The following NOX4 variants were observed in gnomAD, a reference collection of about 807,000 sequenced individuals.
The protein encoded by NOX4 is NADPH oxidase 4.
Under a neutral mutation model 87.6 loss-of-function variants are expected in NOX4, and 69 were observed. The observed-to-expected ratio is 0.79, with a 90% CI of 0.65 to 0.96. The LOEUF is 0.96. Ranked by LOEUF, NOX4 falls within the 40% of genes least tolerant of loss-of-function variation. NOX4 has a pLI of 0.00. For synonymous variants in NOX4, 275 were observed against 238.2 expected (o/e 1.15, Z -1.42); for missense variants, 680 against 681.5 (o/e 1.00, Z 0.02).
At chr11:89,347,007 T>C (rs546579033) in intron 13 of NOX4, among the ~76,000 whole-genome samples, 13 of 152,304 alleles carry the variant, frequency 8.5e-5, no homozygotes, top group African/African-American at 2.9e-4. Flanking sequence ...CTAGTCAGAA[T>C]ACTACCTTTT....
the NOX4 span, among the ~76,000 whole-genome samples, chr11:89,561,476 G>C: frequency 2.0e-5 from 3 of 152,046 alleles, no homozygotes; most frequent in Non-Finnish European, 2.9e-5. Context: ...GTGATGACTG[G>C]AGCTAATTTA....
chr11:89,326,824 G>A lies in NOX4; in HGVS notation c.1669C>T (p.His557Tyr). ...CGPNSLSKTL[H>Y]KLSNQNNSYG... ...GAGTTGTTCTGGTTACTCAGTTTATGAAGAGTCTTGGATAGTGAATTGGGT... is the reference window on the plus strand; with the variant it reads ...GAGTTGTTCTGGTTACTCAGTTTATAAAGAGTCTTGGATAGTGAATTGGGT... The change falls in exon 18 of 18, where the codon CAT (histidine) becomes TAT (tyrosine). Residue 557 changes from histidine (H) to tyrosine (Y), a missense_variant. Transcript: ENST00000263317. 1.2e-6 allele frequency: 2 copies of A among 1,612,966 alleles called. No individual in the cohort carries two copies. Among genetic ancestry groups the A allele is most frequent in the South Asian group, 2.2e-5 (2 of 91,046 alleles).
At chr11:89,338,463 A>G (rs1451581443) in intron 15 of NOX4, among the ~76,000 whole-genome samples, 1 of 152,130 alleles carries the variant, frequency 6.6e-6, no homozygotes, top group African/African-American at 2.4e-5. Flanking sequence ...GCATACAAAT[A>G]TCTGTCCAAT....
the NOX4 span, among the ~76,000 whole-genome samples, chr11:89,555,968 T>C: frequency 6.6e-6 from 1 of 152,122 alleles, no homozygotes; most frequent in African/African-American, 2.4e-5. Context: ...TAAACTAGCA[T>C]TGTTTGCTAA....
the NOX4 span, among the ~76,000 whole-genome samples, chr11:89,539,299 G>T: frequency 6.6e-6 from 1 of 151,984 alleles, no homozygotes; most frequent in Non-Finnish European, 1.5e-5. Flanking sequence ...AGGCGTGGTG[G>T]CATGCACCTG....
At chr11:89,358,386 C>CAAAAAAAAAAAAAAAAAAA (rs10558391) in intron 12 of NOX4, among the ~76,000 whole-genome samples, 83 of 78,070 alleles carry the variant, frequency 1.1e-3, no homozygotes, top group Non-Finnish European at 1.6e-3. Context: ...AACTTAATCT[C>CAAAAAAAAAAAAAAAAAAA]AAAAAAAAAA....
rs368351899 is a variant in NOX4 at position 89,453,635 on chromosome 11, C to T, written c.154-1740G>A. Among the ~76,000 whole-genome samples, 41 of 152,312 alleles carry T rather than the reference C, an allele frequency of 2.7e-4. No individual in the cohort carries two copies. In the East Asian group the frequency reaches 3.1e-3, roughly 11 times the overall value. On this transcript the variant is annotated intron_variant, in intron 2 of 17. Coordinates refer to ENST00000263317, the MANE Select transcript of NOX4 (RefSeq NM_016931.5). ...CACACATAGTTTGGATCAATTTACA[C>T]TTATTAATACATTAAACCTCTTTCT... is the stretch of plus-strand genomic sequence containing the variant.
intron 11 of NOX4, among the ~76,000 whole-genome samples, chr11:89,386,681 A>G (rs1940727228): frequency 6.6e-6 from 1 of 152,098 alleles, no homozygotes; most frequent in Admixed American, 6.6e-5. Context: ...TGCTAAAAAA[A>G]GAGGACTCTA....
At chr11:89,492,807 A>T (rs1946892144), upstream of NOX4, among the ~76,000 whole-genome samples, 1 of 152,188 alleles carries the variant, frequency 6.6e-6, no homozygotes, top group African/African-American at 2.4e-5. Flanking sequence ...CTAAGCTTTA[A>T]TTTCAATAGA....
At chr11:89,406,116 A>C (rs569611853) in intron 8 of NOX4, among the ~76,000 whole-genome samples, 81 of 152,224 alleles carry the variant, frequency 5.3e-4, no homozygotes, top group African/African-American at 1.8e-3. Context: ...TAAAGAGTAA[A>C]AGTGCTCATT....
rs184144531 is a variant in NOX4, at chr11:89,328,566, G to A, written c.1617-1690C>T. Among the ~76,000 whole-genome samples the A allele has an allele frequency of 1.1e-4, 17 of 152,114 alleles. No homozygotes were observed. The East Asian group carries it at 3.3e-3, about 29-fold the overall frequency. On this transcript the variant is annotated intron_variant, in intron 17 of 17. Transcript: ENST00000263317. ...ATTAAAATAAATAAATCAAAATTTGGCAACTAACATTTAAACTTTAAAATG... is the reference window on the plus strand; with the variant it reads ...ATTAAAATAAATAAATCAAAATTTGACAACTAACATTTAAACTTTAAAATG...
the NOX4 span, among the ~76,000 whole-genome samples, chr11:89,539,490 T>C: frequency 2.0e-5 from 3 of 152,144 alleles, no homozygotes; most frequent in Non-Finnish European, 4.4e-5. Context: ...ACCAAGTTTA[T>C]GGGATTTTTG....
At chr11:89,582,928 C>G in the NOX4 span, among the ~76,000 whole-genome samples, 1 of 152,164 alleles carries the variant, frequency 6.6e-6, no homozygotes, top group African/African-American at 2.4e-5. Flanking sequence ...AGCGCCTGTT[C>G]CTCCTATACA....
chr11:89,542,870 A>G, the NOX4 span, among the ~76,000 whole-genome samples: 3 of 152,182 alleles, frequency 2.0e-5, no homozygotes, highest in Non-Finnish European at 4.4e-5. Context: ...ACAAAATAGG[A>G]AAAATAATTC....
the NOX4 span, among the ~76,000 whole-genome samples, chr11:89,566,585 A>T: frequency 1.3e-5 from 2 of 152,150 alleles, no homozygotes; most frequent in South Asian, 2.1e-4. Context: ...TATACATAAA[A>T]ATACACATGC....
intron 12 of NOX4, among the ~76,000 whole-genome samples, 155 bp downstream of exon 12, chr11:89,373,277 C>CAAAAAAAAAAAAAA (rs144113376): frequency 4.7e-4 from 28 of 59,076 alleles, no homozygotes; most frequent in Middle Eastern, 0.024. Context: ...ACTGTACAAG[C>CAAAAAAAAAAAAAA]AAAAAAAAAA....
At chr11:89,559,043 T>C in the NOX4 span, among the ~76,000 whole-genome samples, 1 of 152,120 alleles carries the variant, frequency 6.6e-6, no homozygotes, top group Non-Finnish European at 1.5e-5. Flanking sequence ...CTTAACATAC[T>C]ATCTCATAAT....
chr11:89,446,531 A>G (rs1196210047), intron 4 of NOX4, among the ~76,000 whole-genome samples: 1 of 152,116 alleles, frequency 6.6e-6, no homozygotes, highest in Non-Finnish European at 1.5e-5. Flanking sequence ...AATATTATTT[A>G]CCACTATAAA....
intron 7 of NOX4, among the ~76,000 whole-genome samples, chr11:89,427,584 T>A (rs998772107): frequency 4.6e-5 from 7 of 152,106 alleles, no homozygotes; most frequent in African/African-American, 1.7e-4. Flanking sequence ...ATGACAAGCT[T>A]CAGTAGCCGA....
Sources: gnomAD v4.1 joint callset for allele counts (sites outside exome capture counted in the v4.1 genomes callset) on GRCh38, gnomAD v4.1.1 for gene constraint, MANE v1.5 for transcripts, NCBI Gene and HGNC (gene_info 2026-07-23, HGNC 2026-07-21) for gene names.